SFSWAP: variants seen among roughly 807,000 people sequenced by gnomAD.
SFSWAP encodes splicing factor SWAP.
SFSWAP carries 17 observed loss-of-function variants against 100.7 expected under a neutral mutation model. The ratio of observed to expected loss-of-function variants is 0.17; its 90% CI spans 0.12 to 0.25. The LOEUF is 0.25. Ranked by LOEUF, SFSWAP falls within the 10% of genes least tolerant of loss-of-function variation. The probability of loss-of-function intolerance (pLI) is 1.00; values close to 1 mark genes in which losing one functional copy is unlikely to be tolerated. For missense variants in SFSWAP, 1,005 were observed against 1,262.6 expected (o/e 0.80, Z 3.09); for synonymous variants, 504 against 510.1 (o/e 0.99, Z 0.16).
Position 131,725,683 on chromosome 12 carries a change from C to A in SFSWAP, c.832+53C>A. 2 of 1,381,974 alleles carry A rather than the reference C, an allele frequency of 1.4e-6. No homozygotes were observed. The highest frequency in any genetic ancestry group is 2.0e-6 in the Non-Finnish European group (2 of 985,304). The allele number at this position is 1,381,974 out of a possible 1,614,324, so 85.6% of individuals were successfully genotyped here. A position where few individuals can be genotyped will look rare whatever the true frequency, so the allele number is the denominator to read the frequency against. ...AGACTTTGGGCCTGTGTTGTGGGGGCGGCAGGCTGGGTGGTTCTGGGAAAA... is the reference window on the plus strand; with the variant it reads ...AGACTTTGGGCCTGTGTTGTGGGGGAGGCAGGCTGGGTGGTTCTGGGAAAA... On this transcript the variant is annotated intron_variant, in intron 5 of 17. Coordinates refer to ENST00000261674, the MANE Select transcript of SFSWAP (RefSeq NM_004592.4). The surrounding 1 kb of genome is among the most constrained non-coding windows in gnomAD (Gnocchi z 4.3).
At chr12:131,739,208 G>A (rs1206757783) in intron 7 of SFSWAP, among the ~76,000 whole-genome samples, 2 of 151,992 alleles carry the variant, frequency 1.3e-5, no homozygotes, top group Non-Finnish European at 2.9e-5. Context: ...CACTAATGTG[G>A]TATAATTCTA....
intron 15 of SFSWAP, 122 bp downstream of exon 15, chr12:131,786,710 CCCCCACCA>C: frequency 2.1e-6 from 2 of 949,248 alleles, no homozygotes; most frequent in Non-Finnish European, 3.1e-6. Flanking sequence ...GGTGCTGAGT[CCCCCACCA>C]CCCCCCCACC....
chr12:131,786,357 G>A (rs1884887095), intron 14 of SFSWAP, 106 bp from the exon 15 acceptor site: 5 of 1,392,120 alleles, frequency 3.6e-6, no homozygotes, highest in African/African-American at 1.4e-5. Context: ...CCACCCTGAG[G>A]AGCAGCCTCT....
At chr12:131,727,921 T>G (rs1031325354) in intron 6 of SFSWAP, among the ~76,000 whole-genome samples, 3 of 152,224 alleles carry the variant, frequency 2.0e-5, no homozygotes, top group Non-Finnish European at 2.9e-5. Context: ...TTTGTGGGAA[T>G]GATTGCTGAT....
At chr12:131,741,247 C>T (rs1880598665) in intron 7 of SFSWAP, among the ~76,000 whole-genome samples, 1 of 151,998 alleles carries the variant, frequency 6.6e-6, no homozygotes, top group Non-Finnish European at 1.5e-5. Context: ...ATTACAGGCG[C>T]AAGCCACCGT....
intron 7 of SFSWAP, among the ~76,000 whole-genome samples, chr12:131,745,415 A>G (rs1367785690): frequency 6.6e-6 from 1 of 152,232 alleles, no homozygotes; most frequent in Non-Finnish European, 1.5e-5. Context: ...TTGCAGAAGG[A>G]GAAAGAGTTT....
intron 13 of SFSWAP, among the ~76,000 whole-genome samples, chr12:131,769,924 C>G (rs905412712): frequency 5.7e-4 from 87 of 152,166 alleles, no homozygotes; most frequent in Admixed American, 5.5e-3. Context: ...ATCTGTAGAA[C>G]ATAGAAATGA....
chr12:131,727,279 T>C (rs1566009157), intron 6 of SFSWAP, among the ~76,000 whole-genome samples: 1 of 152,266 alleles, frequency 6.6e-6, no homozygotes, highest in East Asian at 1.9e-4. Context: ...CTCAGGATAA[T>C]TTTACCATTT....
At chr12:131,792,697 G>A (rs1885355126) in intron 15 of SFSWAP, among the ~76,000 whole-genome samples, 1 of 152,254 alleles carries the variant, frequency 6.6e-6, no homozygotes, top group Admixed American at 6.5e-5. Flanking sequence ...TATGTTCACA[G>A]ACCAGGACTC....
chr12:131,760,718 A>G (rs1882592639), intron 11 of SFSWAP, among the ~76,000 whole-genome samples: 2 of 152,196 alleles, frequency 1.3e-5, no homozygotes, highest in Admixed American at 1.3e-4. Context: ...TGTCCATACT[A>G]CTTATTGCTG....
chr12:131,736,530 G>GT (rs1377630105), intron 7 of SFSWAP, among the ~76,000 whole-genome samples: 1 of 152,174 alleles, frequency 6.6e-6, no homozygotes, highest in African/African-American at 2.4e-5. Flanking sequence ...TGCCCATACG[G>GT]TTTTTAAAGA....
intron 4 of SFSWAP, among the ~76,000 whole-genome samples, chr12:131,722,497 T>C (rs1286789487): frequency 1.3e-5 from 2 of 152,118 alleles, no homozygotes; most frequent in African/African-American, 4.8e-5. Context: ...TCGAACACAT[T>C]TTATGGAAAG....
intron 11 of SFSWAP, among the ~76,000 whole-genome samples, chr12:131,757,737 C>A (rs1489975567): frequency 6.6e-6 from 1 of 152,146 alleles, no homozygotes; most frequent in Admixed American, 6.5e-5. Flanking sequence ...TGTGGATGAA[C>A]CGCTAACTAG....
At chr12:131,747,982 C>T (rs564575693) in intron 7 of SFSWAP, among the ~76,000 whole-genome samples, 21 of 152,262 alleles carry the variant, frequency 1.4e-4, no homozygotes, top group East Asian at 7.7e-4. Context: ...GAGGCATGGC[C>T]GCTGCCGAGG....
chr12:131,716,255 G>T (rs1197349681), intron 3 of SFSWAP, among the ~76,000 whole-genome samples: 1 of 152,218 alleles, frequency 6.6e-6, no homozygotes, highest in Non-Finnish European at 1.5e-5. Flanking sequence ...TGAGCTTTTA[G>T]AGAAACTTTC....
intron 7 of SFSWAP, among the ~76,000 whole-genome samples, chr12:131,749,653 C>T (rs901866335): frequency 3.3e-5 from 5 of 152,176 alleles, no homozygotes; most frequent in Non-Finnish European, 7.3e-5. Context: ...ATGGTCACTG[C>T]AGGATATTTT....
chr12:131,789,791 A>C (rs1226742809), intron 15 of SFSWAP, among the ~76,000 whole-genome samples: 9 of 152,240 alleles, frequency 5.9e-5, no homozygotes, highest in African/African-American at 1.7e-4. Flanking sequence ...GTTCAGGGCA[A>C]ATGTTTTGGC....
At chr12:131,793,168 C>A (rs771902403) in intron 15 of SFSWAP, among the ~76,000 whole-genome samples, 41 of 152,066 alleles carry the variant, frequency 2.7e-4, no homozygotes, top group Non-Finnish European at 5.3e-4. Context: ...CGACTCAGCC[C>A]GGCTGACTGC....
chr12:131,718,728 T>C (rs192284927), intron 3 of SFSWAP, among the ~76,000 whole-genome samples: 41 of 152,276 alleles, frequency 2.7e-4, no homozygotes, highest in Non-Finnish European at 5.1e-4. Flanking sequence ...CAGAAATAGT[T>C]GGAGAGAAAT....
Sources: allele counts gnomAD v4.1 joint callset (sites outside exome capture counted in the v4.1 genomes callset), GRCh38; gene constraint gnomAD v4.1.1; non-coding constraint Gnocchi (gnomAD v3.1); transcripts MANE v1.5; gene names NCBI Gene and HGNC (gene_info 2026-07-23, HGNC 2026-07-21).